The following OSBPL5 variants were observed in gnomAD, a reference collection of about 807,000 sequenced individuals.
OSBPL5 encodes oxysterol binding protein like 5.
Under a neutral mutation model 111.2 loss-of-function variants are expected in OSBPL5, and 71 were observed. That is an observed-to-expected ratio of 0.64 (90% CI 0.53 to 0.78). OSBPL5 has a LOEUF of 0.78. OSBPL5 is among the 30% of genes least tolerant of loss of function. The probability of loss-of-function intolerance (pLI) is 0.00; values close to 1 mark genes in which losing one functional copy is unlikely to be tolerated. For synonymous variants in OSBPL5, 549 were observed against 513.9 expected, an observed-to-expected ratio of 1.07 and a Z score of -0.93; for missense variants, 1,210 against 1,189.3, an observed-to-expected ratio of 1.02 and a Z score of -0.26.
chr11:3,103,814 G>GCAGCCCCTT, intron 10 of OSBPL5, among the ~76,000 whole-genome samples: 2 of 27,294 alleles, frequency 7.3e-5, no homozygotes, highest in African/African-American at 1.5e-4. Flanking sequence ...CCCTCTTCCT[G>GCAGCCCCTT]CCTGCGCAGC....
intron 7 of OSBPL5, among the ~76,000 whole-genome samples, chr11:3,112,079 G>GTGTA (rs1554898331): frequency 2.2e-5 from 3 of 134,124 alleles, no homozygotes; most frequent in African/African-American, 5.6e-5. Flanking sequence ...GTGTGCATGT[G>GTGTA]TGTGTGCATG....
intron 1 of OSBPL5, among the ~76,000 whole-genome samples, chr11:3,138,515 T>A (rs1156735139): frequency 2.6e-5 from 4 of 152,160 alleles, no homozygotes; most frequent in African/African-American, 9.7e-5. Context: ...GGACGCAATC[T>A]CAAACCCGCC....
At chr11:3,102,497 A>T (rs1318388642) in intron 11 of OSBPL5, among the ~76,000 whole-genome samples, 1 of 151,978 alleles carries the variant, frequency 6.6e-6, no homozygotes, top group Non-Finnish European at 1.5e-5. Context: ...CCTCAGGGGA[A>T]TCCTGTCCAC....
chr11:3,102,804 G>A (rs1294209945), intron 11 of OSBPL5, among the ~76,000 whole-genome samples: 3 of 152,184 alleles, frequency 2.0e-5, no homozygotes, highest in Non-Finnish European at 2.9e-5. Flanking sequence ...TCACTACAAC[G>A]AGAGCAGCCC....
At chr11:3,133,048 G>C (rs1484994876) in intron 1 of OSBPL5, among the ~76,000 whole-genome samples, 1 of 152,248 alleles carries the variant, frequency 6.6e-6, no homozygotes, top group Non-Finnish European at 1.5e-5. Flanking sequence ...GGACAGGGCA[G>C]GGTCCTCAGA....
intron 3 of OSBPL5, among the ~76,000 whole-genome samples, chr11:3,124,518 T>A (rs1243804817): frequency 6.6e-6 from 1 of 152,144 alleles, no homozygotes; most frequent in Non-Finnish European, 1.5e-5. Context: ...TGGCACATGG[T>A]GTTCCCAGCC....
At chr11:3,118,540 G>A (rs1473296114) in intron 7 of OSBPL5, among the ~76,000 whole-genome samples, 2 of 151,872 alleles carry the variant, frequency 1.3e-5, no homozygotes, top group Non-Finnish European at 2.9e-5. Context: ...CTGTGTCACA[G>A]GCACGGCCTC....
chr11:3,101,019 G>T (rs1343319800), intron 13 of OSBPL5, among the ~76,000 whole-genome samples: 2 of 146,696 alleles, frequency 1.4e-5, no homozygotes, highest in Non-Finnish European at 3.0e-5. Context: ...CTGTCGTCCA[G>T]GCTGGAGTAC....
intron 1 of OSBPL5, among the ~76,000 whole-genome samples, chr11:3,138,674 T>A (rs1249963371): frequency 6.6e-6 from 1 of 152,344 alleles, no homozygotes; most frequent in East Asian, 1.9e-4. Flanking sequence ...CTGGGGCCTC[T>A]TCTGGGTGGT....
intron 1 of OSBPL5, among the ~76,000 whole-genome samples, chr11:3,138,895 G>A (rs1846026799): frequency 1.3e-5 from 2 of 152,248 alleles, no homozygotes; most frequent in African/African-American, 4.8e-5. Context: ...CCTAATTCCA[G>A]GGCAGCCTGG....
At chr11:3,129,507 G>A (rs533574361) in intron 1 of OSBPL5, among the ~76,000 whole-genome samples, 6 of 152,192 alleles carry the variant, frequency 3.9e-5, no homozygotes, top group Admixed American at 2.0e-4. Context: ...GCAGACCCAC[G>A]TGTAGACACA....
At chr11:3,088,520 G>A (rs1420484695) in intron 21 of OSBPL5, among the ~76,000 whole-genome samples, 177 bp from the exon 22 acceptor site, 2 of 152,148 alleles carry the variant, frequency 1.3e-5, no homozygotes, top group African/African-American at 4.8e-5. Context: ...GTTAGTGGGA[G>A]GGCCCCACAG....
rs114453003 is a variant in OSBPL5 at position 3,141,580 on chromosome 11, C to T, written c.-21-12411G>A. ...ATGGGGTCCATTATGGCCCGAGTTG[C>T]GCAGAGAGGACAGGGAGGGGCTGGA... On this transcript the variant is annotated intron_variant, in intron 1 of 21. Coordinates refer to ENST00000263650, the MANE Select transcript of OSBPL5 (RefSeq NM_020896.4). The surrounding 1 kb of genome is among the most constrained non-coding windows in gnomAD (Gnocchi z 6.5). Among the ~76,000 whole-genome samples, 286 of 152,272 alleles carry T rather than the reference C, an allele frequency of 1.9e-3. 1 individual carries two copies. The highest frequency in any genetic ancestry group is 6.4e-3 in the African/African-American group (267 of 41,560).
intron 7 of OSBPL5, among the ~76,000 whole-genome samples, chr11:3,111,417 A>G (rs2100086): frequency 0.4 from 61,185 of 151,702 alleles, 13,215 homozygotes; most frequent in African/African-American, 0.54. Context: ...ATCCCTAGGG[A>G]AGTAACTGAA....
chr11:3,147,537 G>T (rs900096631), intron 1 of OSBPL5, among the ~76,000 whole-genome samples: 1 of 152,262 alleles, frequency 6.6e-6, no homozygotes, highest in Admixed American at 6.5e-5. Context: ...AGCAACGCAG[G>T]CAGAGCTGCA....
intron 7 of OSBPL5, among the ~76,000 whole-genome samples, chr11:3,115,873 C>CTTTTTTTTTTT (rs369499437): frequency 6.9e-6 from 1 of 143,992 alleles, no homozygotes; most frequent in Non-Finnish European, 1.5e-5. Flanking sequence ...AGGCTTTTGC[C>CTTTTTTTTTTT]TTTTTTTTTT....
chr11:3,102,684 T>A (rs914826068), intron 11 of OSBPL5, among the ~76,000 whole-genome samples: 2 of 152,064 alleles, frequency 1.3e-5, no homozygotes, highest in African/African-American at 4.8e-5. Flanking sequence ...AGCCTCAGTT[T>A]CCCCATCTGC....
intron 17 of OSBPL5, chr11:3,093,281 C>G: frequency 5.3e-6 from 4 of 747,920 alleles, no homozygotes; most frequent in South Asian, 3.8e-5. Context: ...CCCTGTGCAC[C>G]TGTTGGTCAC....
chr11:3,156,103 G>A (rs1846750756), intron 1 of OSBPL5, among the ~76,000 whole-genome samples: 1 of 152,206 alleles, frequency 6.6e-6, no homozygotes, highest in Non-Finnish European at 1.5e-5. Context: ...TGGGACAAGG[G>A]GGAAGGGAAG....
Sources: allele counts gnomAD v4.1 joint callset (sites outside exome capture counted in the v4.1 genomes callset), GRCh38; gene constraint gnomAD v4.1.1; non-coding constraint Gnocchi (gnomAD v3.1); transcripts MANE v1.5; gene names NCBI Gene and HGNC (gene_info 2026-07-23, HGNC 2026-07-21).